The following RALGPS2 variants were observed in gnomAD, a reference collection of about 807,000 sequenced individuals.
RALGPS2 encodes the protein Ral GEF with PH domain and SH3 binding motif 2, also known as ras-specific guanine nucleotide-releasing factor RalGPS2.
A neutral mutation model predicts 86.8 loss-of-function variants in RALGPS2; 43 were observed. That is an observed-to-expected ratio of 0.50 (90% CI 0.39 to 0.64). The LOEUF (loss-of-function observed/expected upper bound fraction) is 0.64, where lower values mean the gene tolerates loss of function less well. RALGPS2 is among the 30% of genes least tolerant of loss of function. The pLI is 0.00. For synonymous variants in RALGPS2, 243 were observed against 231.3 expected (o/e 1.05, Z -0.46); for missense variants, 536 against 694.6 (o/e 0.77, Z 2.57).
rs181650690 is a variant in RALGPS2, at chr1:178,840,659, G to C, written c.607+7109G>C. 4.6e-5 allele frequency among the ~76,000 whole-genome samples: 7 copies of C among 152,272 alleles called. No individual in the cohort carries two copies. The East Asian group carries it at 1.4e-3, about 29-fold the overall frequency. ...AAATAACTAAGATCAGAGCAGAACT[G>C]AAGGAGATAGAGACACAAAAAACCC... On this transcript the variant is annotated intron_variant, in intron 8 of 19. Coordinates refer to ENST00000367635, the MANE Select transcript of RALGPS2 (RefSeq NM_152663.5).
chr1:178,823,927 G>A (rs1655626461), intron 7 of RALGPS2, among the ~76,000 whole-genome samples: 1 of 152,102 alleles, frequency 6.6e-6, no homozygotes, highest in South Asian at 2.1e-4. Flanking sequence ...AAGCTAGATG[G>A]GATTACCTAA....
At chr1:178,828,318 C>T (rs556221820) in intron 7 of RALGPS2, among the ~76,000 whole-genome samples, 8 of 152,274 alleles carry the variant, frequency 5.3e-5, no homozygotes, top group Admixed American at 4.6e-4. Context: ...ATCACACAAA[C>T]CTAGATGGCA....
chr1:178,896,769 T>C (rs1228037776), intron 16 of RALGPS2, among the ~76,000 whole-genome samples: 3 of 148,660 alleles, frequency 2.0e-5, no homozygotes, highest in Admixed American at 6.7e-5. Context: ...ATTTCATCCA[T>C]GTCCCTACAA....
intron 8 of RALGPS2, among the ~76,000 whole-genome samples, chr1:178,848,929 C>T (rs1657006884): frequency 6.6e-6 from 1 of 152,044 alleles, no homozygotes; most frequent in Non-Finnish European, 1.5e-5. Context: ...CACGCCTGGC[C>T]CGGATATTGT....
chr1:178,849,255 C>T (rs1386946464), intron 8 of RALGPS2, among the ~76,000 whole-genome samples: 1 of 152,160 alleles, frequency 6.6e-6, no homozygotes, highest in East Asian at 1.9e-4. Flanking sequence ...AGAACCTACA[C>T]TAACTATCAT....
chr1:178,869,786 A>G (rs921575378), intron 8 of RALGPS2, among the ~76,000 whole-genome samples: 1 of 152,074 alleles, frequency 6.6e-6, no homozygotes, highest in Non-Finnish European at 1.5e-5. Context: ...AGGAGCCCCA[A>G]ATCTAACAAA....
chr1:178,821,468 G>A lies in RALGPS2; in HGVS notation c.388-144G>A, dbSNP rs530152674. 1.6e-3 allele frequency: 968 copies of A among 596,048 alleles called. 3 individuals carry two copies. Among genetic ancestry groups the A allele is most frequent in the South Asian group, 2.7e-3 (117 of 43,366 alleles). 36.9% of individuals were successfully genotyped at this position (596,048 alleles called of 1,614,324 possible). On this transcript the variant is annotated intron_variant, in intron 6 of 19. Transcript: ENST00000367635. ...CAAAATAACTTAGTGTAAACACAGG[G>A]TACTCTAAAGACAGTTCTCAGTAAT...
chr1:178,756,893 CCTT>C (rs1651984652), intron 1 of RALGPS2, among the ~76,000 whole-genome samples: 1 of 152,034 alleles, frequency 6.6e-6, no homozygotes, highest in African/African-American at 2.4e-5. Flanking sequence ...AGTCCCTCCT[CCTT>C]AATTTTTTTG....
chr1:178,851,542 CTT>C (rs1186694935), intron 8 of RALGPS2, among the ~76,000 whole-genome samples: 1 of 151,176 alleles, frequency 6.6e-6, no homozygotes, highest in Non-Finnish European at 1.5e-5. Context: ...TTACAATGTA[CTT>C]TTTTAAAAAG....
At chr1:178,730,586 T>A (rs543911086) in intron 1 of RALGPS2, among the ~76,000 whole-genome samples, 8 of 151,732 alleles carry the variant, frequency 5.3e-5, no homozygotes, top group Admixed American at 5.2e-4. Flanking sequence ...AAAAAAAAAA[T>A]GAAAATTCTT....
At chr1:178,890,468 G>A (rs1360787) in intron 14 of RALGPS2, among the ~76,000 whole-genome samples, 151,932 of 152,080 alleles carry the variant, frequency 1, 75,892 homozygotes, top group Middle Eastern at 1. Context: ...CTAAATTTCT[G>A]AAAATGCCTA....
intron 1 of RALGPS2, among the ~76,000 whole-genome samples, chr1:178,734,356 C>G (rs927497514): frequency 1.3e-5 from 2 of 152,144 alleles, no homozygotes; most frequent in Admixed American, 6.5e-5. Context: ...TCTCCTAGAA[C>G]AGCAGATAGA....
At chr1:178,788,845 CTTTTCTTTTCTTTTCT>C (rs1558120314) in intron 4 of RALGPS2, among the ~76,000 whole-genome samples, 4 of 28,478 alleles carry the variant, frequency 1.4e-4, no homozygotes, top group East Asian at 7.3e-4. Context: ...TTCTTTCTTT[CTTTTCTTTTCTTTTCT>C]TTTCTTTTCT....
intron 1 of RALGPS2, chr1:178,746,585 G>A (rs1186104111): frequency 1.4e-6 from 1 of 694,146 alleles, no homozygotes; most frequent in Admixed American, 2.0e-5. Flanking sequence ...TAGAGGGTTA[G>A]CGAGCCTCAC....
chr1:178,731,719 GACTTT>G (rs772413814), intron 1 of RALGPS2, among the ~76,000 whole-genome samples: 10 of 151,974 alleles, frequency 6.6e-5, no homozygotes, highest in East Asian at 1.9e-4. Flanking sequence ...ATCTTGTATT[GACTTT>G]ACTTTATTTC....
chr1:178,797,759 A>G (rs12403301), intron 4 of RALGPS2, among the ~76,000 whole-genome samples: 23,124 of 151,938 alleles, frequency 0.15, 2,052 homozygotes, highest in East Asian at 0.31. Flanking sequence ...TCTAACCACT[A>G]CCTCAGTCAA....
intron 19 of RALGPS2, among the ~76,000 whole-genome samples, chr1:178,908,372 T>C (rs139442353): frequency 1.3e-5 from 2 of 152,254 alleles, no homozygotes; most frequent in African/African-American, 4.8e-5. Flanking sequence ...GTCTTTGCTA[T>C]AGTGTATACT....
chr1:178,857,706 G>A (rs994873994), intron 8 of RALGPS2, among the ~76,000 whole-genome samples: 5 of 151,890 alleles, frequency 3.3e-5, no homozygotes, highest in Admixed American at 6.6e-5. Context: ...TATCATTTTC[G>A]TAAATGTTTA....
At chr1:178,776,849 A>T (rs569538704) in intron 2 of RALGPS2, 28 bp downstream of exon 2, 4 of 1,594,082 alleles carry the variant, frequency 2.5e-6, no homozygotes, top group Non-Finnish European at 2.6e-6. Flanking sequence ...CTTGGGTGTA[A>T]AGTTTCTTAC....
Sources: gnomAD v4.1 joint callset for allele counts (sites outside exome capture counted in the v4.1 genomes callset) on GRCh38, gnomAD v4.1.1 for gene constraint, MANE v1.5 for transcripts, NCBI Gene and HGNC (gene_info 2026-07-23, HGNC 2026-07-21) for gene names.